Variants in MOV10 observed in about 807,000 individuals in gnomAD.
The protein encoded by MOV10 is RNA helicase MOV-10.
A neutral mutation model predicts 108.4 loss-of-function variants in MOV10; 39 were observed. The observed-to-expected ratio is 0.36, with a 90% CI of 0.28 to 0.47. The LOEUF is 0.47. Ranked by LOEUF, MOV10 falls within the 20% of genes least tolerant of loss-of-function variation. The probability of loss-of-function intolerance (pLI) is 1.00; values close to 1 mark genes in which losing one functional copy is unlikely to be tolerated. For synonymous variants in MOV10, 490 were observed against 523.1 expected (o/e 0.94, Z 0.86); for missense variants, 952 against 1,297.6 (o/e 0.73, Z 4.09).
At chr1:112,674,815 C>A in intron 1 of MOV10, 33 bp from the exon 2 acceptor site, 1 of 1,283,672 alleles carries the variant, frequency 7.8e-7, no homozygotes. Flanking sequence ...TTCCCTCCTG[C>A]TGCACCCTCA....
At position 112,698,378 on chromosome 1, in the gene MOV10, T is replaced by C; in HGVS notation, c.2408T>C (p.Val803Ala). The change falls in exon 16 of 21, where the codon GTG becomes GCG. Residue 803 changes from valine (V) to alanine (A), a missense_variant. This residue lies in a region of MOV10 where 453 missense variants were observed against 611.5 expected (regional missense o/e 0.74). Coordinates refer to ENST00000369645, the MANE Select transcript of MOV10 (RefSeq NM_001321324.2). ...SFFNPEEAAT[V>A]TSYLKLLLAP... ...TTCAACCCTGAAGAGGCTGCCACAG[T>C]GACTTCCTACCTGAAGCTGCTCCTG... The C allele has an allele frequency of 6.2e-7, 1 of 1,614,190 alleles. No homozygotes were observed. The highest frequency in any genetic ancestry group is 8.5e-7 in the Non-Finnish European group (1 of 1,180,022).
rs1389795021 is a variant in MOV10, at chr1:112,695,490, A to G, written c.1695A>G (p.Gln565=). The G allele has an allele frequency of 3.7e-6, 6 of 1,614,180 alleles. No individual in the cohort carries two copies. The East Asian group carries it at 1.1e-4, about 30-fold the overall frequency. ...ACTCAGGGGCTGACCTACTCTGTCA[A>G]AGGCTCCGGGTCCACCTTCCTAGCT... The part of the protein sequence containing the change: ...PSNSGADLLC[Q]RLRVHLPSSI... The change falls in exon 11 of 21, where the codon CAA becomes CAG. Residue 565 remains glutamine (Q), a synonymous_variant. Coordinates refer to ENST00000369645, the MANE Select transcript of MOV10 (RefSeq NM_001321324.2).
At chr1:112,678,426 CAACT>C (rs1453402576) in intron 2 of MOV10, among the ~76,000 whole-genome samples, 7 of 151,994 alleles carry the variant, frequency 4.6e-5, no homozygotes, top group South Asian at 4.2e-4. Flanking sequence ...AAAAGGAACC[CAACT>C]AACTAAGGAA....
chr1:112,685,629 T>C (rs1673012379), intron 2 of MOV10, among the ~76,000 whole-genome samples: 1 of 143,876 alleles, frequency 7.0e-6, no homozygotes, highest in African/African-American at 2.7e-5. Flanking sequence ...CCCTCCAGCC[T>C]GGTGATAGAG....
At position 112,694,719 on chromosome 1, in the gene MOV10, T is replaced by TC; in HGVS notation, c.1473-29dup. 6.2e-7 allele frequency: 1 copy of TC among 1,609,518 alleles called. No homozygotes were observed. Among genetic ancestry groups the TC allele is most frequent in the Non-Finnish European group, 8.5e-7 (1 of 1,176,712 alleles). ...GAGGCCTCTGGGTCACTGGATGACT[T>TC]CAAGTTCACATTCCTGGTCCCTCTG... is the stretch of plus-strand genomic sequence containing the variant. On this transcript the variant is annotated intron_variant, in intron 9 of 20. Coordinates refer to ENST00000369645, the MANE Select transcript of MOV10 (RefSeq NM_001321324.2). This position sits in a 1 kb window ranked among gnomAD's most constrained non-coding sequence, Gnocchi z 4.1.
intron 2 of MOV10, among the ~76,000 whole-genome samples, chr1:112,684,033 C>T (rs1473192944): frequency 2.0e-5 from 3 of 152,084 alleles, no homozygotes; most frequent in African/African-American, 7.2e-5. Context: ...TCTCTGTAAC[C>T]TCAAAGTCCT....
At chr1:112,677,409 C>G (rs1466790415) in intron 2 of MOV10, among the ~76,000 whole-genome samples, 1 of 151,188 alleles carries the variant, frequency 6.6e-6, no homozygotes, top group Non-Finnish European at 1.5e-5. Context: ...GCCTACACAT[C>G]CTTTAAAGCC....
Position 112,699,697 on chromosome 1 carries a change from G to C in MOV10, c.2596G>C (p.Glu866Gln). The C allele has an allele frequency of 6.2e-7, 1 of 1,614,180 alleles. No individual in the cohort carries two copies. The highest frequency in any genetic ancestry group is 8.5e-7 in the Non-Finnish European group (1 of 1,180,032). The change falls in exon 18 of 21, where the codon GAA becomes CAA. Residue 866 changes from glutamate (E) to glutamine (Q), a missense_variant. By Grantham distance (29) the Glu-to-Gln change is conservative (BLOSUM62 2). Around this residue, in one of 5 missense-constraint regions of MOV10, gnomAD observed 453 missense variants for 611.5 expected, o/e 0.74. Transcript: ENST00000369645. ...DIKDLKVGSV[E>Q]EFQGQERSVI... ...CTTTCCCCACTAGGTGGGTTCAGTA[G>C]AAGAATTCCAAGGCCAAGAACGAAG...
Position 112,698,223 on chromosome 1 carries a change from T to G in MOV10, c.2317-64T>G, listed in dbSNP as rs923049523. ...AGGATCTCTTACTCTCTGGAAGGGT[T>G]TGGGAAGGGAGGGAATAGAGGGAGG... On this transcript the variant is annotated intron_variant, in intron 15 of 20. Transcript: ENST00000369645. 7 of 1,601,414 alleles carry G rather than the reference T, an allele frequency of 4.4e-6. No individual in the cohort carries two copies. The African/African-American group carries it at 8.0e-5, about 18-fold the overall frequency.
chr1:112,700,646 T>A lies in MOV10; in HGVS notation c.*139T>A, dbSNP rs746389019. ...TTACAACCCAAGCCATTCCACCCCC[T>A]CCCCTGCTGGGGAGAATGACACATC... is the stretch of plus-strand genomic sequence containing the variant. On this transcript the variant is annotated 3_prime_UTR_variant, in exon 21 of 21. Coordinates refer to ENST00000369645, the MANE Select transcript of MOV10 (RefSeq NM_001321324.2). 1.9e-5 allele frequency: 30 copies of A among 1,539,366 alleles called. No homozygotes were observed. The highest frequency in any genetic ancestry group is 6.2e-5 in the Admixed American group (3 of 48,492).
In MOV10 at chr1:112,674,829, C is replaced by A. The variant is rs968735461; in HGVS notation, c.-65-19C>A. 7.0e-7 allele frequency: 1 copy of A among 1,428,588 alleles called. No homozygotes were observed. Among genetic ancestry groups the A allele is most frequent in the African/African-American group, 1.5e-5 (1 of 66,854 alleles). 88.5% of individuals were successfully genotyped at this position (1,428,588 alleles called of 1,614,324 possible). A position where few individuals can be genotyped will look rare whatever the true frequency, so the allele number is the denominator to read the frequency against. On this transcript the variant is annotated intron_variant, in intron 1 of 20. Coordinates refer to ENST00000369645, the MANE Select transcript of MOV10 (RefSeq NM_001321324.2). The stretch of plus-strand genomic sequence containing the variant: ...CTTCCCTCCTGCTGCACCCTCATCT[C>A]AGGGCCGCCAACTTCCAGCTGCAGC...
At position 112,698,797 on chromosome 1, in the gene MOV10, G is replaced by A. The variant is rs368361654; in HGVS notation, c.2583+8G>A. The A allele has an allele frequency of 1.2e-6, 2 of 1,612,482 alleles. No individual in the cohort carries two copies. The highest frequency in any genetic ancestry group is 1.7e-6 in the Non-Finnish European group (2 of 1,178,614). On this transcript the variant is annotated splice_region_variant and intron_variant, in intron 17 of 20. Transcript: ENST00000369645. ...GACATCAAGGACTTGAAGGTGACAT[G>A]CTGTTCCACAGTCACTCCCTGCCTT...
intron 2 of MOV10, among the ~76,000 whole-genome samples, chr1:112,687,493 G>A (rs1451072253): frequency 2.0e-5 from 3 of 152,204 alleles, no homozygotes; most frequent in Admixed American, 2.0e-4. Context: ...ATATGTCCCT[G>A]AAGTATGTGG....
rs1673862880 is a variant in MOV10 at position 112,694,350 on chromosome 1, T to C, written c.1296-103T>C. The stretch of plus-strand genomic sequence containing the variant: ...CTTCTAGAGAACTTGCATAGAGGTC[T>C]TGGAAAGAGGGGTTGGGACACTGGT... On this transcript the variant is annotated intron_variant, in intron 8 of 20. Coordinates refer to ENST00000369645, the MANE Select transcript of MOV10 (RefSeq NM_001321324.2). This position sits in a 1 kb window ranked among gnomAD's most constrained non-coding sequence, Gnocchi z 4.1. 1.3e-6 allele frequency: 2 copies of C among 1,504,500 alleles called. No homozygotes were observed. Among genetic ancestry groups the C allele is most frequent in the Non-Finnish European group, 1.8e-6 (2 of 1,094,308 alleles). 93.2% of individuals were successfully genotyped at this position (1,504,500 alleles called of 1,614,324 possible). A position where few individuals can be genotyped will look rare whatever the true frequency, so the allele number is the denominator to read the frequency against.
chr1:112,699,649 C>G (rs752472130), intron 17 of MOV10, 36 bp from the exon 18 acceptor site: 2 of 1,613,684 alleles, frequency 1.2e-6, no homozygotes, highest in Admixed American at 1.7e-5. Flanking sequence ...TTTGACACCC[C>G]TGGCTGGTCT....
intron 2 of MOV10, among the ~76,000 whole-genome samples, chr1:112,686,192 A>T (rs1039618602): frequency 6.6e-6 from 1 of 152,204 alleles, no homozygotes; most frequent in African/African-American, 2.4e-5. Flanking sequence ...AGGGATATGC[A>T]TGCAGTATTC....
In MOV10 at chr1:112,696,854, C is replaced by T. The variant is rs766199253; in HGVS notation, c.2198+8C>T. On this transcript the variant is annotated splice_region_variant and intron_variant, in intron 14 of 20. Coordinates refer to ENST00000369645, the MANE Select transcript of MOV10 (RefSeq NM_001321324.2). ...GCTGCTCCGCAACTACAGGTATTCCCATGCCCTTGCCTCCCCTGCCATATC... is the reference window on the plus strand; with the variant it reads ...GCTGCTCCGCAACTACAGGTATTCCTATGCCCTTGCCTCCCCTGCCATATC... 5.1e-6 allele frequency: 8 copies of T among 1,570,602 alleles called. No individual in the cohort carries two copies. Among genetic ancestry groups the T allele is most frequent in the Non-Finnish European group, 6.9e-6 (8 of 1,156,192 alleles).
At chr1:112,695,199 G>A (rs1255199682) in intron 10 of MOV10, among the ~76,000 whole-genome samples, 1 of 152,156 alleles carries the variant, frequency 6.6e-6, no homozygotes, top group Admixed American at 6.5e-5. Context: ...CATCCTGGGT[G>A]ACAGAGTGAG....
chr1:112,681,262 C>T lies in MOV10; in HGVS notation c.137+6213C>T, dbSNP rs190708904. 1.2e-4 allele frequency among the ~76,000 whole-genome samples: 18 copies of T among 152,022 alleles called. 1 individual carries two copies. Among genetic ancestry groups the T allele is most frequent in the Admixed American group, 8.5e-4 (13 of 15,282 alleles). On this transcript the variant is annotated intron_variant, in intron 2 of 20. Transcript: ENST00000369645. ...ATCCCAGCACTTTGGGAGGCCAAGG[C>T]GGGTGGATCACCTGAGGTCAGGAGT...
Sources: gnomAD v4.1 joint callset for allele counts (sites outside exome capture counted in the v4.1 genomes callset) on GRCh38, gnomAD v4.1.1 for gene constraint, gnomAD v4.1.1 regional missense constraint, Gnocchi (gnomAD v3.1) non-coding constraint, MANE v1.5 for transcripts, NCBI Gene and HGNC (gene_info 2026-07-23, HGNC 2026-07-21) for gene names.